PID1: variants seen among roughly 807,000 people sequenced by gnomAD.
PID1 encodes the protein PTB-containing, cubilin and LRP1-interacting protein.
PID1 carries 10 observed loss-of-function variants against 19.1 expected under a neutral mutation model. The observed-to-expected ratio is 0.52, with a 90% confidence interval of 0.32 to 0.89. The LOEUF (loss-of-function observed/expected upper bound fraction) is 0.89. Ranked by LOEUF, PID1 falls within the 40% of genes least tolerant of loss-of-function variation. The probability of loss-of-function intolerance (pLI) is 0.03; values close to 1 mark genes in which losing one functional copy is unlikely to be tolerated. For missense variants in PID1, 248 were observed against 285.3 expected, an observed-to-expected ratio of 0.87 and a Z score of 0.94; for synonymous variants, 130 against 116.0, an observed-to-expected ratio of 1.12 and a Z score of -0.78.
chr2:229,213,379 T>C lies in PID1; in HGVS notation c.31-57415A>G, dbSNP rs116388318. On this transcript the variant is annotated intron_variant, in intron 1 of 2. Coordinates refer to ENST00000392055, the MANE Select transcript of PID1 (RefSeq NM_001100818.2). ...TTTTGAGTGTCATTTCTTTCAAGGA[T>C]GCATCTGTCTACATCACTCATCTGC... is the stretch of plus-strand genomic sequence containing the variant. Among the ~76,000 whole-genome samples the C allele has an allele frequency of 4.7e-3, 714 of 152,338 alleles. 4 individuals are homozygous for C. The highest frequency in any genetic ancestry group is 0.016 in the African/African-American group (672 of 41,586).
chr2:229,061,177 C>A (rs1240489079), intron 2 of PID1, among the ~76,000 whole-genome samples: 2 of 152,010 alleles, frequency 1.3e-5, no homozygotes, highest in Admixed American at 6.6e-5. Context: ...GAAATCTTTG[C>A]CCAGACAAAT....
rs72436273 is a variant in PID1, at chr2:229,184,848, G to GTA, written c.31-28886_31-28885dup. Among the ~76,000 whole-genome samples, 10 of 1,158 alleles carry GTA rather than the reference G, an allele frequency of 8.6e-3. 2 individuals carry two copies. The highest frequency in any genetic ancestry group is 0.054 in the African/African-American group (6 of 112). 0.8% of individuals were successfully genotyped at this position (1,158 alleles called of 152,430 possible). A position where few individuals can be genotyped will look rare whatever the true frequency, so the allele number is the denominator to read the frequency against. ...TATATATCCCGTATATATATATCCC[G>GTA]TATATATATCCCGTATATATCCCAT... On this transcript the variant is annotated intron_variant, in intron 1 of 2. Coordinates refer to ENST00000392055, the MANE Select transcript of PID1 (RefSeq NM_001100818.2).
intron 2 of PID1, among the ~76,000 whole-genome samples, chr2:229,058,673 T>C (rs1480160768): frequency 6.9e-6 from 1 of 144,032 alleles, no homozygotes; most frequent in African/African-American, 2.6e-5. Flanking sequence ...GCTAAGTCAA[T>C]AAATTTGCGT....
intron 2 of PID1, among the ~76,000 whole-genome samples, chr2:229,095,165 C>T (rs748559408): frequency 2.0e-5 from 3 of 152,128 alleles, no homozygotes; most frequent in Non-Finnish European, 4.4e-5. Flanking sequence ...CCCGGTTTCT[C>T]CTCTTAGAAA....
At chr2:229,207,517 A>T (rs538067436) in intron 1 of PID1, among the ~76,000 whole-genome samples, 1 of 148,550 alleles carries the variant, frequency 6.7e-6, no homozygotes, top group African/African-American at 2.5e-5. Flanking sequence ...TAGTAGGACG[A>T]CCTCAATCTG....
intron 2 of PID1, among the ~76,000 whole-genome samples, chr2:229,144,101 C>T (rs1484355917): frequency 2.0e-5 from 3 of 152,110 alleles, no homozygotes; most frequent in Non-Finnish European, 2.9e-5. Context: ...GTCTACATTT[C>T]TATACCCAGC....
intron 1 of PID1, among the ~76,000 whole-genome samples, chr2:229,257,621 G>A (rs1292154851): frequency 6.6e-6 from 1 of 152,142 alleles, no homozygotes; most frequent in African/African-American, 2.4e-5. Flanking sequence ...TGGACAATAT[G>A]CCACATCGTT....
chr2:229,031,583 A>G (rs1348414884), intron 2 of PID1, among the ~76,000 whole-genome samples: 1 of 152,116 alleles, frequency 6.6e-6, no homozygotes, highest in Non-Finnish European at 1.5e-5. Flanking sequence ...AGGAAAGAAA[A>G]GGAAAGAAAG....
chr2:229,100,679 CT>C (rs1695056988), intron 2 of PID1, among the ~76,000 whole-genome samples: 1 of 152,202 alleles, frequency 6.6e-6, no homozygotes, highest in South Asian at 2.1e-4. Flanking sequence ...GGTCCCTTGA[CT>C]CCCCAGATGG....
At chr2:229,188,738 TCA>T (rs776792057) in intron 1 of PID1, among the ~76,000 whole-genome samples, 1 of 13,672 alleles carries the variant, frequency 7.3e-5, no homozygotes. Flanking sequence ...AAACTCCACC[TCA>T]AAAAAAAAAA....
chr2:229,247,958 T>TCTTCCTTCTCATCCTCCTCATC (rs1690046683), intron 1 of PID1, among the ~76,000 whole-genome samples: 1 of 152,156 alleles, frequency 6.6e-6, no homozygotes, highest in African/African-American at 2.4e-5. Flanking sequence ...TTACTACTCC[T>TCTTCCTTCTCATCCTCCTCATC]CTTCCTTCTC....
In PID1 at chr2:229,191,823, A is replaced by G. The variant is rs574159083; in HGVS notation, c.31-35859T>C. Among the ~76,000 whole-genome samples, 7 of 152,326 alleles carry G rather than the reference A, an allele frequency of 4.6e-5. No individual in the cohort carries two copies. In the South Asian group the frequency reaches 1.2e-3, roughly 27 times the overall value. On this transcript the variant is annotated intron_variant, in intron 1 of 2. Transcript: ENST00000392055. Reference sequence around the variant, plus strand: ...GAGATAGTGAGGAATATTGTGTATCACAAACAGGTTTAGAAAATGGATTCA... The same window carrying G: ...GAGATAGTGAGGAATATTGTGTATCGCAAACAGGTTTAGAAAATGGATTCA...
At chr2:229,165,585 TA>T (rs201146650) in intron 1 of PID1, among the ~76,000 whole-genome samples, 6 of 141,836 alleles carry the variant, frequency 4.2e-5, no homozygotes, top group East Asian at 2.0e-4. Context: ...GTCTCAAAAA[TA>T]AAAAAAAAAA....
At chr2:229,077,250 G>A (rs1694576770) in intron 2 of PID1, among the ~76,000 whole-genome samples, 1 of 152,066 alleles carries the variant, frequency 6.6e-6, no homozygotes, top group Non-Finnish European at 1.5e-5. Context: ...TTTTTTTCAT[G>A]TAAATTTAAG....
In PID1 at chr2:229,226,630, A is replaced by T. The variant is rs557264026; in HGVS notation, c.30+44384T>A. 4.3e-3 allele frequency among the ~76,000 whole-genome samples: 653 copies of T among 152,326 alleles called. 5 individuals carry two copies. Among genetic ancestry groups the T allele is most frequent in the Non-Finnish European group, 7.7e-3 (525 of 68,028 alleles). ...AGAGCTTTGGCCAAAGAGCACTGCCAGAATGTTCACCAACACCCAAGTGTA... is the reference window on the plus strand; with the variant it reads ...AGAGCTTTGGCCAAAGAGCACTGCCTGAATGTTCACCAACACCCAAGTGTA... On this transcript the variant is annotated intron_variant, in intron 1 of 2. Transcript: ENST00000392055.
chr2:229,067,708 C>T (rs978114211), intron 2 of PID1, among the ~76,000 whole-genome samples: 2 of 152,148 alleles, frequency 1.3e-5, no homozygotes, highest in South Asian at 2.1e-4. Flanking sequence ...TCTATATTCC[C>T]CAGCATGGCA....
chr2:229,117,862 G>C (rs531005479), intron 2 of PID1, among the ~76,000 whole-genome samples: 1 of 152,092 alleles, frequency 6.6e-6, no homozygotes, highest in African/African-American at 2.4e-5. Flanking sequence ...CCTTTTTCAG[G>C]AGACTTCCCT....
chr2:229,088,621 G>C (rs182787836), intron 2 of PID1, among the ~76,000 whole-genome samples: 4 of 152,028 alleles, frequency 2.6e-5, no homozygotes, highest in Non-Finnish European at 4.4e-5. Context: ...ACCTGAAATA[G>C]AGACTAAATA....
intron 2 of PID1, among the ~76,000 whole-genome samples, chr2:229,103,758 T>C (rs574182583): frequency 4.6e-5 from 7 of 152,140 alleles, no homozygotes; most frequent in South Asian, 2.1e-4. Flanking sequence ...TTTGTATTTT[T>C]AGTAGAGACT....
Sources: allele counts gnomAD v4.1 joint callset (sites outside exome capture counted in the v4.1 genomes callset), GRCh38; gene constraint gnomAD v4.1.1; transcripts MANE v1.5; gene names NCBI Gene and HGNC (gene_info 2026-07-23, HGNC 2026-07-21).